The following CMIP variants were observed in gnomAD, a reference collection of about 807,000 sequenced individuals.
The protein encoded by CMIP is C-Maf-inducing protein.
In CMIP, 13 loss-of-function variants were observed where a neutral mutation model predicts 97.3. The ratio of observed to expected loss-of-function variants is 0.13; its 90% CI spans 0.09 to 0.21. The LOEUF is 0.21. Ranked by LOEUF, CMIP falls within the 10% of genes least tolerant of loss-of-function variation. The pLI is 1.00. For missense variants in CMIP, 847 were observed against 1,024.9 expected (o/e 0.83, Z 2.37); for synonymous variants, 538 against 436.3 (o/e 1.23, Z -2.91).
intron 1 of CMIP, among the ~76,000 whole-genome samples, chr16:81,570,031 C>T (rs962477909): frequency 1.3e-5 from 2 of 152,134 alleles, no homozygotes; most frequent in Non-Finnish European, 2.9e-5. Flanking sequence ...GCCAACTGTC[C>T]ACCAGGCCTG....
At chr16:81,590,237 C>A (rs1010205260) in intron 1 of CMIP, among the ~76,000 whole-genome samples, 2 of 152,168 alleles carry the variant, frequency 1.3e-5, no homozygotes, top group Non-Finnish European at 2.9e-5. Flanking sequence ...TTCTTTTCCT[C>A]CCTCCCATTC....
chr16:81,573,237 G>C (rs1365776870), intron 1 of CMIP, among the ~76,000 whole-genome samples: 1 of 152,066 alleles, frequency 6.6e-6, no homozygotes, highest in Non-Finnish European at 1.5e-5. Context: ...CCAACTGTTC[G>C]GGAGGGTGAG....
intron 1 of CMIP, among the ~76,000 whole-genome samples, chr16:81,478,703 T>C (rs2150754244): frequency 6.6e-6 from 1 of 152,204 alleles, no homozygotes; most frequent in African/African-American, 2.4e-5. Context: ...GATAAACCCA[T>C]TTGCTTTTCC....
At chr16:81,531,807 A>T (rs2090241332) in intron 1 of CMIP, among the ~76,000 whole-genome samples, 2 of 152,242 alleles carry the variant, frequency 1.3e-5, no homozygotes, top group African/African-American at 4.8e-5. Flanking sequence ...GGGGAAACAG[A>T]AGATGATTGA....
At chr16:81,514,260 GGGA>G (rs2089868691) in intron 1 of CMIP, among the ~76,000 whole-genome samples, 2 of 152,224 alleles carry the variant, frequency 1.3e-5, no homozygotes, top group Middle Eastern at 3.2e-3. Context: ...GGGGCAGGCA[GGGA>G]GGAGGAGGGT....
At chr16:81,644,466 TG>T (rs926132171) in intron 3 of CMIP, among the ~76,000 whole-genome samples, 17 of 152,284 alleles carry the variant, frequency 1.1e-4, no homozygotes, top group Admixed American at 1.1e-3. Flanking sequence ...GTTGAAGACT[TG>T]GCGGCCAAAA....
At chr16:81,545,486 G>C (rs905698914) in intron 1 of CMIP, among the ~76,000 whole-genome samples, 1 of 152,178 alleles carries the variant, frequency 6.6e-6, no homozygotes, top group Non-Finnish European at 1.5e-5. Flanking sequence ...AGCGTCTCCT[G>C]TGTGAAGAGT....
At chr16:81,685,226 C>T (rs1343981733) in intron 10 of CMIP, among the ~76,000 whole-genome samples, 2 of 152,204 alleles carry the variant, frequency 1.3e-5, no homozygotes, top group African/African-American at 4.8e-5. Context: ...TCCCATGCAC[C>T]CCTCTCGGTC....
At chr16:81,476,365 C>G in intron 1 of CMIP, 1 of 1,317,962 alleles carries the variant, frequency 7.6e-7, no homozygotes, top group Non-Finnish European at 1.1e-6. Context: ...CCTGTGAAAG[C>G]AGGAACCCTT....
intron 3 of CMIP, among the ~76,000 whole-genome samples, chr16:81,637,422 A>G (rs533283460): frequency 9.2e-5 from 14 of 152,244 alleles, no homozygotes; most frequent in African/African-American, 3.4e-4. Context: ...TCAGTGTCCT[A>G]CTGAACTCAA....
At chr16:81,451,234 C>A (rs1906193552) in intron 1 of CMIP, among the ~76,000 whole-genome samples, 1 of 152,168 alleles carries the variant, frequency 6.6e-6, no homozygotes, top group Admixed American at 6.5e-5. Flanking sequence ...ATACTGTTCT[C>A]TTGGTAGTGA....
chr16:81,525,026 C>T (rs1276377487), intron 1 of CMIP, among the ~76,000 whole-genome samples: 3 of 152,120 alleles, frequency 2.0e-5, no homozygotes, highest in Non-Finnish European at 1.5e-5. Context: ...AAACTCCTAA[C>T]CTCAAGTGAT....
At chr16:81,691,083 C>T (rs1380861327) in intron 10 of CMIP, among the ~76,000 whole-genome samples, 2 of 152,108 alleles carry the variant, frequency 1.3e-5, no homozygotes, top group Admixed American at 1.3e-4. Context: ...TGAGAATGGC[C>T]CCAGGGTCCC....
intron 7 of CMIP, among the ~76,000 whole-genome samples, chr16:81,667,558 GAC>G (rs2092617313): frequency 6.6e-6 from 1 of 152,142 alleles, no homozygotes; most frequent in Non-Finnish European, 1.5e-5. Context: ...TAGCTAAGAT[GAC>G]AGTTACCTTA....
chr16:81,701,890 A>G, intron 16 of CMIP, 90 bp downstream of exon 16: 1 of 1,496,884 alleles, frequency 6.7e-7, no homozygotes, highest in Non-Finnish European at 9.2e-7. Context: ...CTTGGACCTG[A>G]GTGGACCTCA....
chr16:81,531,269 C>T (rs1211933504), intron 1 of CMIP, among the ~76,000 whole-genome samples: 1 of 152,128 alleles, frequency 6.6e-6, no homozygotes, highest in Non-Finnish European at 1.5e-5. Context: ...CCAAGGAATG[C>T]CAAGGATTTT....
intron 1 of CMIP, among the ~76,000 whole-genome samples, chr16:81,553,120 T>C (rs1017284852): frequency 6.6e-6 from 1 of 152,202 alleles, no homozygotes; most frequent in Non-Finnish European, 1.5e-5. Flanking sequence ...ACCCAGGGCC[T>C]GAGTCTCTGC....
chr16:81,474,695 C>T (rs1907779198), intron 1 of CMIP, among the ~76,000 whole-genome samples: 1 of 152,216 alleles, frequency 6.6e-6, no homozygotes, highest in East Asian at 1.9e-4. Context: ...GCGGAGGGGC[C>T]TCAGTGTTGG....
chr16:81,452,580 A>G (rs751376004), intron 1 of CMIP, among the ~76,000 whole-genome samples: 5 of 152,110 alleles, frequency 3.3e-5, no homozygotes, highest in Non-Finnish European at 5.9e-5. Flanking sequence ...CATAGTGGTC[A>G]GGGAAGCGGG....
Sources: gnomAD v4.1 joint callset for allele counts (sites outside exome capture counted in the v4.1 genomes callset) on GRCh38, gnomAD v4.1.1 for gene constraint, MANE v1.5 for transcripts, NCBI Gene and HGNC (gene_info 2026-07-23, HGNC 2026-07-21) for gene names.